Variants in PDE7B observed in about 807,000 individuals in gnomAD.
PDE7B encodes phosphodiesterase 7B.
PDE7B carries 29 observed loss-of-function variants against 56.2 expected under a neutral mutation model. The observed-to-expected ratio is 0.52, with a 90% CI of 0.38 to 0.70. The LOEUF (loss-of-function observed/expected upper bound fraction) is 0.70. Ranked by LOEUF, PDE7B falls within the 30% of genes least tolerant of loss-of-function variation. The probability of loss-of-function intolerance (pLI) is 0.00; values close to 1 mark genes in which losing one functional copy is unlikely to be tolerated. For synonymous variants in PDE7B, 197 were observed against 196.9 expected, an observed-to-expected ratio of 1.00 and a Z score of 0.00; for missense variants, 490 against 565.0, an observed-to-expected ratio of 0.87 and a Z score of 1.35.
intron 2 of PDE7B, among the ~76,000 whole-genome samples, chr6:136,032,329 A>G (rs1381058794): frequency 6.6e-6 from 1 of 152,216 alleles, no homozygotes; most frequent in African/African-American, 2.4e-5. Context: ...CTATTAAGAG[A>G]ACCTATACAG....
At chr6:135,974,367 C>T (rs1002046514) in intron 2 of PDE7B, among the ~76,000 whole-genome samples, 2 of 152,026 alleles carry the variant, frequency 1.3e-5, no homozygotes, top group African/African-American at 4.8e-5. Flanking sequence ...ATTCAATCCT[C>T]TCTACAAAAT....
intron 1 of PDE7B, among the ~76,000 whole-genome samples, chr6:135,881,196 T>G (rs1238054464): frequency 1.3e-5 from 2 of 152,028 alleles, no homozygotes; most frequent in African/African-American, 4.8e-5. Context: ...ATCACAATGA[T>G]GTATAAAGAA....
chr6:136,180,511 C>T (rs994240323), intron 10 of PDE7B, among the ~76,000 whole-genome samples: 1 of 152,062 alleles, frequency 6.6e-6, no homozygotes, highest in Non-Finnish European at 1.5e-5. Flanking sequence ...TCTTCCAGAC[C>T]CCAACATTGC....
chr6:136,099,239 T>A (rs1777521709), intron 2 of PDE7B, among the ~76,000 whole-genome samples: 2 of 152,228 alleles, frequency 1.3e-5, no homozygotes, highest in African/African-American at 2.4e-5. Context: ...TTAACATACC[T>A]GTGCATGTGT....
chr6:135,906,153 T>G (rs1776097475), intron 1 of PDE7B, among the ~76,000 whole-genome samples: 1 of 152,194 alleles, frequency 6.6e-6, no homozygotes, highest in African/African-American at 2.4e-5. Flanking sequence ...TGGTGGAGAC[T>G]CAGGATATTT....
chr6:135,961,461 C>G (rs1243887071), intron 2 of PDE7B, among the ~76,000 whole-genome samples: 1 of 151,934 alleles, frequency 6.6e-6, no homozygotes, highest in Non-Finnish European at 1.5e-5. Context: ...TCATTTGACT[C>G]AATAAAAACA....
At chr6:136,033,927 G>A (rs1288439433) in intron 2 of PDE7B, 1 of 151,956 alleles carries the variant, frequency 6.6e-6, no homozygotes, top group Non-Finnish European at 1.5e-5. Flanking sequence ...TACTTGAACT[G>A]ATGGAGAGGA....
At chr6:135,928,478 TA>T in intron 1 of PDE7B, among the ~76,000 whole-genome samples, 1 of 103,780 alleles carries the variant, frequency 9.6e-6, no homozygotes, top group Non-Finnish European at 1.9e-5. Context: ...TTTATATATA[TA>T]TATTTATTTA....
chr6:136,109,809 T>C (rs1398163679), intron 3 of PDE7B, among the ~76,000 whole-genome samples: 22 of 152,178 alleles, frequency 1.4e-4, no homozygotes. Flanking sequence ...TGTAGACTTG[T>C]GGGGGAGGTG....
At chr6:136,100,681 G>C (rs1377376093) in intron 2 of PDE7B, among the ~76,000 whole-genome samples, 2 of 152,098 alleles carry the variant, frequency 1.3e-5, no homozygotes, top group African/African-American at 2.4e-5. Context: ...GAGACTGTGG[G>C]GTTTTCTAAA....
intron 1 of PDE7B, among the ~76,000 whole-genome samples, chr6:135,855,582 G>T: frequency 6.6e-6 from 1 of 152,164 alleles, no homozygotes; most frequent in East Asian, 1.9e-4. Context: ...TATTTGCAAT[G>T]GTGTTCTCAA....
intron 2 of PDE7B, among the ~76,000 whole-genome samples, chr6:136,057,378 A>G (rs1206039776): frequency 6.6e-6 from 1 of 152,226 alleles, no homozygotes; most frequent in Non-Finnish European, 1.5e-5. Flanking sequence ...AAATCTTGAA[A>G]GTATCCTTCT....
intron 2 of PDE7B, among the ~76,000 whole-genome samples, chr6:135,975,178 G>A: frequency 6.6e-6 from 1 of 151,646 alleles, no homozygotes; most frequent in Non-Finnish European, 1.5e-5. Context: ...AGAAAACCTG[G>A]AAATTCAGAT....
chr6:136,018,483 T>A (rs1196443297), intron 2 of PDE7B, among the ~76,000 whole-genome samples: 2 of 152,068 alleles, frequency 1.3e-5, no homozygotes, highest in African/African-American at 4.8e-5. Flanking sequence ...TCACAAACAA[T>A]CCTGAACCCA....
chr6:136,191,488 G>A lies in PDE7B; in HGVS notation c.1127-126G>A. ...TCAAGGCCAACCTGGCCAACATGGG[G>A]AAACCCCATCTCTACTAAAGATACA... On this transcript the variant is annotated intron_variant, in intron 12 of 12. Coordinates refer to ENST00000308191, the MANE Select transcript of PDE7B (RefSeq NM_018945.4). The A allele has an allele frequency of 7.7e-6, 6 of 781,492 alleles. No individual in the cohort carries two copies. In the Middle Eastern group the frequency reaches 1.0e-3, roughly 132 times the overall value. 48.4% of individuals were successfully genotyped at this position (781,492 alleles called of 1,614,324 possible). A position where few individuals can be genotyped will look rare whatever the true frequency, so the allele number is the denominator to read the frequency against.
At chr6:135,973,171 CTATT>C (rs1775122823) in intron 2 of PDE7B, among the ~76,000 whole-genome samples, 1 of 152,072 alleles carries the variant, frequency 6.6e-6, no homozygotes, top group Admixed American at 6.6e-5. Flanking sequence ...CGGTATTCTA[CTATT>C]TGATTCTATG....
chr6:135,915,042 A>C (rs1583765916), intron 1 of PDE7B, among the ~76,000 whole-genome samples: 1 of 151,768 alleles, frequency 6.6e-6, no homozygotes. Flanking sequence ...GCAGTGAGCC[A>C]ATATTGTACT....
intron 11 of PDE7B, among the ~76,000 whole-genome samples, chr6:136,182,419 GC>G (rs1779080995): frequency 6.6e-6 from 1 of 152,140 alleles, no homozygotes; most frequent in Non-Finnish European, 1.5e-5. Flanking sequence ...GAGCTAGGGG[GC>G]TTTAAATTAG....
intron 2 of PDE7B, among the ~76,000 whole-genome samples, chr6:135,949,399 G>T (rs1774655584): frequency 6.6e-6 from 1 of 152,016 alleles, no homozygotes; most frequent in Non-Finnish European, 1.5e-5. Context: ...TATGTGGTAT[G>T]GTTTATATAG....
Sources: gnomAD v4.1 joint callset for allele counts (sites outside exome capture counted in the v4.1 genomes callset) on GRCh38, gnomAD v4.1.1 for gene constraint, MANE v1.5 for transcripts, NCBI Gene and HGNC (gene_info 2026-07-23, HGNC 2026-07-21) for gene names.